SLC24A3: variants seen among roughly 807,000 people sequenced by gnomAD.
SLC24A3 encodes the protein solute carrier family 24 member 3.
Under a neutral mutation model 75.8 loss-of-function variants are expected in SLC24A3, and 28 were observed. The observed-to-expected ratio is 0.37, with a 90% CI of 0.27 to 0.51. The LOEUF (loss-of-function observed/expected upper bound fraction) is 0.51. Ranked by LOEUF, SLC24A3 falls within the 20% of genes least tolerant of loss-of-function variation. The pLI, the probability that SLC24A3 is intolerant of heterozygous loss-of-function variation, is 0.94. For missense variants in SLC24A3, 663 were observed against 847.8 expected (o/e 0.78, Z 2.71); for synonymous variants, 372 against 334.1 (o/e 1.11, Z -1.24).
chr20:19,315,062 C>A (rs1272039841), intron 2 of SLC24A3, among the ~76,000 whole-genome samples: 1 of 152,220 alleles, frequency 6.6e-6, no homozygotes, highest in African/African-American at 2.4e-5. Context: ...TCACTTGCTT[C>A]TGAGGCACCC....
chr20:19,216,015 G>A (rs953889438), intron 1 of SLC24A3, among the ~76,000 whole-genome samples: 2 of 152,122 alleles, frequency 1.3e-5, no homozygotes, highest in Non-Finnish European at 2.9e-5. Flanking sequence ...CAGGCAATGC[G>A]CTATTCCCAC....
intron 3 of SLC24A3, among the ~76,000 whole-genome samples, chr20:19,531,780 G>A (rs943100164): frequency 1.3e-5 from 2 of 152,176 alleles, no homozygotes; most frequent in Admixed American, 6.5e-5. Flanking sequence ...ACTGGGAAAC[G>A]TTAGACCACA....
chr20:19,683,709 A>T (rs927456640), intron 10 of SLC24A3, among the ~76,000 whole-genome samples: 6 of 152,182 alleles, frequency 3.9e-5, no homozygotes. Flanking sequence ...CCCAGATCTG[A>T]ATGGTGGGAA....
intron 2 of SLC24A3, among the ~76,000 whole-genome samples, chr20:19,404,712 G>A (rs941030545): frequency 4.7e-4 from 71 of 152,320 alleles, no homozygotes; most frequent in African/African-American, 1.6e-3. Context: ...TGTGTGGTCT[G>A]TTCAGAGTGC....
chr20:19,375,195 G>A (rs1236311347), intron 2 of SLC24A3, among the ~76,000 whole-genome samples: 2 of 152,130 alleles, frequency 1.3e-5, no homozygotes, highest in African/African-American at 2.4e-5. Flanking sequence ...AGATTCCTGG[G>A]CACCAAATCC....
chr20:19,577,337 G>A (rs2031153371), intron 3 of SLC24A3, among the ~76,000 whole-genome samples: 2 of 152,206 alleles, frequency 1.3e-5, no homozygotes, highest in South Asian at 4.1e-4. Context: ...TTACAGGCAT[G>A]AGCCACCGTG....
chr20:19,620,700 G>A (rs183083257), intron 6 of SLC24A3, among the ~76,000 whole-genome samples: 2 of 152,276 alleles, frequency 1.3e-5, no homozygotes, highest in African/African-American at 4.8e-5. Context: ...TAACGCATGT[G>A]TTGCTTACCT....
chr20:19,368,233 C>T (rs895682616), intron 2 of SLC24A3, among the ~76,000 whole-genome samples: 1 of 152,102 alleles, frequency 6.6e-6, no homozygotes, highest in Admixed American at 6.5e-5. Flanking sequence ...GCTGGTGTCG[C>T]TACTGAAGAC....
chr20:19,462,583 A>C (rs752157652), intron 2 of SLC24A3, among the ~76,000 whole-genome samples: 9 of 152,212 alleles, frequency 5.9e-5, no homozygotes, highest in Non-Finnish European at 1.2e-4. Flanking sequence ...CGCTGGGATG[A>C]GCCTGGGAGA....
intron 2 of SLC24A3, among the ~76,000 whole-genome samples, chr20:19,464,286 C>T (rs567605835): frequency 4.6e-5 from 7 of 152,258 alleles, no homozygotes; most frequent in Non-Finnish European, 7.3e-5. Flanking sequence ...ACTTCCTTGC[C>T]TTCCTCTGTG....
At chr20:19,507,088 T>G (rs1988472002) in intron 2 of SLC24A3, among the ~76,000 whole-genome samples, 1 of 152,210 alleles carries the variant, frequency 6.6e-6, no homozygotes, top group Non-Finnish European at 1.5e-5. Context: ...AGTTATGCAT[T>G]TATGTACTTT....
chr20:19,400,507 A>C (rs1371841566), intron 2 of SLC24A3, among the ~76,000 whole-genome samples: 1 of 152,174 alleles, frequency 6.6e-6, no homozygotes, highest in Admixed American at 6.5e-5. Flanking sequence ...TGTGACCTCT[A>C]ACCTCTTCGA....
chr20:19,710,616 G>A (rs796780565), intron 15 of SLC24A3, among the ~76,000 whole-genome samples: 7 of 152,296 alleles, frequency 4.6e-5, no homozygotes, highest in African/African-American at 1.4e-4. Flanking sequence ...TGTTCCTTGC[G>A]TCTTTGAGGC....
intron 1 of SLC24A3, among the ~76,000 whole-genome samples, chr20:19,264,728 CA>C (rs371253803): frequency 2.1e-3 from 207 of 98,008 alleles, no homozygotes; most frequent in African/African-American, 4.7e-3. Flanking sequence ...GACTCCATCT[CA>C]AAAAAAAAAA....
intron 3 of SLC24A3, among the ~76,000 whole-genome samples, chr20:19,524,775 T>C (rs927685200): frequency 2.6e-5 from 4 of 152,248 alleles, no homozygotes; most frequent in African/African-American, 7.2e-5. Flanking sequence ...ACATGTTGAC[T>C]ATATCTACAA....
chr20:19,226,086 A>T (rs1981860622), intron 1 of SLC24A3, among the ~76,000 whole-genome samples: 1 of 152,134 alleles, frequency 6.6e-6, no homozygotes, highest in African/African-American at 2.4e-5. Flanking sequence ...CAAATTGAGT[A>T]ATTTCCTTTT....
At chr20:19,456,332 T>G (rs1033791669) in intron 2 of SLC24A3, among the ~76,000 whole-genome samples, 10 of 152,150 alleles carry the variant, frequency 6.6e-5, no homozygotes, top group African/African-American at 2.2e-4. Flanking sequence ...TGGGGAGAGA[T>G]AATTGAATCG....
At chr20:19,577,987 G>C (rs564954384) in intron 3 of SLC24A3, among the ~76,000 whole-genome samples, 1 of 152,068 alleles carries the variant, frequency 6.6e-6, no homozygotes, top group Non-Finnish European at 1.5e-5. Context: ...AGAATCTTAC[G>C]ATCTTATGGA....
At chr20:19,611,787 A>G (rs564335266) in intron 6 of SLC24A3, among the ~76,000 whole-genome samples, 6 of 152,262 alleles carry the variant, frequency 3.9e-5, no homozygotes, top group Non-Finnish European at 8.8e-5. Flanking sequence ...TTGCTTCACA[A>G]TCACTGCCCT....
Sources: gnomAD v4.1 joint callset for allele counts (sites outside exome capture counted in the v4.1 genomes callset) on GRCh38, gnomAD v4.1.1 for gene constraint, MANE v1.5 for transcripts, NCBI Gene and HGNC (gene_info 2026-07-23, HGNC 2026-07-21) for gene names.